ACAP2: variants seen among roughly 807,000 people sequenced by gnomAD.
ACAP2 encodes the protein ArfGAP with coiled-coil, ankyrin repeat and PH domains 2, also known as arf-GAP with coiled-coil, ANK repeat and PH domain-containing protein 2.
In ACAP2, 39 loss-of-function variants were observed where a neutral mutation model predicts 115.8. The observed-to-expected ratio is 0.34, with a 90% CI of 0.26 to 0.44. ACAP2 has a LOEUF of 0.44. Ranked by LOEUF, ACAP2 falls within the 20% of genes least tolerant of loss-of-function variation. The pLI is 1.00. For synonymous variants in ACAP2, 289 were observed against 315.8 expected (o/e 0.92, Z 0.90); for missense variants, 662 against 927.6 (o/e 0.71, Z 3.72).
At chr3:195,282,039 TCTAG>T (rs1191828159) in intron 22 of ACAP2, 1 of 152,156 alleles carries the variant, frequency 6.6e-6, no homozygotes, top group African/African-American at 2.4e-5. Context: ...GGAAGAAGGG[TCTAG>T]CAGACGTTAA....
chr3:195,370,884 G>A (rs1733085079), intron 4 of ACAP2, among the ~76,000 whole-genome samples: 1 of 151,754 alleles, frequency 6.6e-6, no homozygotes, highest in Admixed American at 6.6e-5. Context: ...CCCAGGAGGT[G>A]GAGGTTGCAG....
Position 195,285,681 on chromosome 3 carries a change from CTA to C in ACAP2, c.2236+113_2236+114del, listed in dbSNP as rs928256739. The C allele has an allele frequency of 1.3e-4, 114 of 844,702 alleles. 1 individual carries two copies. The Middle Eastern group carries it at 1.6e-3, about 12-fold the overall frequency. The allele number at this position is 844,702 out of a possible 1,614,324, so 52.3% of individuals were successfully genotyped here. A position where few individuals can be genotyped will look rare whatever the true frequency, so the allele number is the denominator to read the frequency against. On this transcript the variant is annotated intron_variant, in intron 22 of 22. Coordinates refer to ENST00000326793, the MANE Select transcript of ACAP2 (RefSeq NM_012287.6). ...AATTTACAAGTGGGTTATAAAAACTCTATAGTATCACATTAGTTTGCTAAAGA... is the reference window on the plus strand; with the variant it reads ...AATTTACAAGTGGGTTATAAAAACTCTAGTATCACATTAGTTTGCTAAAGA...
intron 6 of ACAP2, among the ~76,000 whole-genome samples, chr3:195,340,485 T>C (rs913513584): frequency 2.1e-4 from 32 of 151,020 alleles, no homozygotes; most frequent in African/African-American, 7.8e-4. Context: ...CAGAAAACAA[T>C]AAAGTAAGAA....
rs571421764 is a variant in ACAP2 at position 195,361,337 on chromosome 3, G to A, written c.286-16020C>T. Among the ~76,000 whole-genome samples the A allele has an allele frequency of 7.2e-5, 11 of 151,790 alleles. 1 individual carries two copies. In the South Asian group the frequency reaches 2.1e-3, roughly 29 times the overall value. The stretch of plus-strand genomic sequence containing the variant: ...TGTAATCTCAGCTACTCAGGAGGCT[G>A]AGGCATGAAAATCACTTGAACCCAG... On this transcript the variant is annotated intron_variant, in intron 4 of 22. Coordinates refer to ENST00000326793, the MANE Select transcript of ACAP2 (RefSeq NM_012287.6).
chr3:195,428,619 C>T (rs140290300), intron 1 of ACAP2, among the ~76,000 whole-genome samples: 65 of 152,136 alleles, frequency 4.3e-4, no homozygotes, highest in African/African-American at 1.5e-3. Flanking sequence ...GTAGGCTATA[C>T]CATCTAAGTT....
chr3:195,281,249 C>T (rs1021294943), intron 22 of ACAP2, among the ~76,000 whole-genome samples: 4 of 151,766 alleles, frequency 2.6e-5, no homozygotes, highest in African/African-American at 9.7e-5. Context: ...ATTAAAAATA[C>T]AAAAAATTAG....
chr3:195,356,653 T>C (rs979680582), intron 4 of ACAP2, among the ~76,000 whole-genome samples: 5 of 152,084 alleles, frequency 3.3e-5, no homozygotes, highest in Admixed American at 1.3e-4. Context: ...TCAGCCACAG[T>C]TGAATAAGGC....
intron 4 of ACAP2, among the ~76,000 whole-genome samples, chr3:195,349,068 CAA>C (rs34943508): frequency 7.2e-4 from 109 of 151,570 alleles, no homozygotes; most frequent in African/African-American, 2.3e-3. Flanking sequence ...ATGGAACCTG[CAA>C]AAAAAAAACT....
Position 195,289,103 on chromosome 3 carries a change from TA to T in ACAP2, c.2174+17del. On this transcript the variant is annotated intron_variant, in intron 21 of 22. Coordinates refer to ENST00000326793, the MANE Select transcript of ACAP2 (RefSeq NM_012287.6). The stretch of plus-strand genomic sequence containing the variant: ...AATTCACTGTATGGAAATAGTCAAG[TA>T]AAAAGGAAGTACTTACAAGGTGACT... 6.3e-6 allele frequency: 10 copies of T among 1,586,676 alleles called. No homozygotes were observed. Among genetic ancestry groups the T allele is most frequent in the Non-Finnish European group, 8.6e-6 (10 of 1,162,964 alleles).
intron 4 of ACAP2, among the ~76,000 whole-genome samples, chr3:195,372,595 G>T (rs1016620731): frequency 6.6e-6 from 1 of 152,076 alleles, no homozygotes; most frequent in African/African-American, 2.4e-5. Context: ...GCTGAGGCAA[G>T]AACATCACTT....
At chr3:195,342,158 A>G (rs1237372070) in intron 6 of ACAP2, among the ~76,000 whole-genome samples, 1 of 152,220 alleles carries the variant, frequency 6.6e-6, no homozygotes, top group Non-Finnish European at 1.5e-5. Context: ...ATAAAATGGT[A>G]TAATAAAAGA....
At chr3:195,404,989 C>T (rs532085109) in intron 1 of ACAP2, among the ~76,000 whole-genome samples, 3 of 151,762 alleles carry the variant, frequency 2.0e-5, no homozygotes, top group East Asian at 1.9e-4. Context: ...TTAGTAGAGA[C>T]GGCTTTCACC....
At chr3:195,311,907 T>C (rs1464392036) in intron 10 of ACAP2, among the ~76,000 whole-genome samples, 1 of 151,972 alleles carries the variant, frequency 6.6e-6, no homozygotes, top group Non-Finnish European at 1.5e-5. Context: ...GTATCTCAAA[T>C]TGAAATAACT....
intron 4 of ACAP2, among the ~76,000 whole-genome samples, chr3:195,360,837 A>C (rs1732306957): frequency 6.6e-6 from 1 of 151,948 alleles, no homozygotes; most frequent in Non-Finnish European, 1.5e-5. Flanking sequence ...AGAAAAAAAA[A>C]ATCTGTACTA....
intron 4 of ACAP2, among the ~76,000 whole-genome samples, chr3:195,371,789 T>G (rs138601465): frequency 6.6e-6 from 1 of 152,176 alleles, no homozygotes; most frequent in African/African-American, 2.4e-5. Flanking sequence ...AGTAGCTGGT[T>G]ATATAGGTAA....
intron 4 of ACAP2, among the ~76,000 whole-genome samples, chr3:195,380,327 A>G (rs1440957739): frequency 6.6e-6 from 1 of 152,254 alleles, no homozygotes; most frequent in Non-Finnish European, 1.5e-5. Flanking sequence ...TATGAAGATT[A>G]TAAGTATTGA....
intron 7 of ACAP2, chr3:195,336,006 T>C (rs1458437869): frequency 6.8e-6 from 1 of 146,466 alleles, no homozygotes; most frequent in African/African-American, 2.5e-5. Context: ...GTTCAAGCAA[T>C]TCCCCTGCCT....
intron 6 of ACAP2, among the ~76,000 whole-genome samples, chr3:195,341,778 T>G (rs1730894638): frequency 6.6e-6 from 1 of 152,194 alleles, no homozygotes; most frequent in Non-Finnish European, 1.5e-5. Context: ...CACTCACAAT[T>G]ATTGAAAATT....
At chr3:195,404,764 T>C (rs1356318909) in intron 1 of ACAP2, among the ~76,000 whole-genome samples, 2 of 147,992 alleles carry the variant, frequency 1.4e-5, no homozygotes, top group Non-Finnish European at 3.0e-5. Context: ...ATTTATATAA[T>C]ATAAATATAA....
Sources: gnomAD v4.1 joint callset for allele counts (sites outside exome capture counted in the v4.1 genomes callset) on GRCh38, gnomAD v4.1.1 for gene constraint, MANE v1.5 for transcripts, NCBI Gene and HGNC (gene_info 2026-07-23, HGNC 2026-07-21) for gene names.